Variants in NDUFAF2 observed in about 807,000 individuals in gnomAD.
NDUFAF2 encodes NADH dehydrogenase [ubiquinone] 1 alpha subcomplex assembly factor 2.
In NDUFAF2, 13 loss-of-function variants were observed where a neutral mutation model predicts 22.8. The observed-to-expected ratio is 0.57, with a 90% CI of 0.37 to 0.91. The LOEUF (loss-of-function observed/expected upper bound fraction) is 0.91. NDUFAF2 is among the 40% of genes least tolerant of loss of function. NDUFAF2 has a pLI of 0.01. For synonymous variants in NDUFAF2, 53 were observed against 64.2 expected (o/e 0.83, Z 0.84); for missense variants, 162 against 195.2 (o/e 0.83, Z 1.01).
rs142563369 is a variant in NDUFAF2, at chr5:61,084,253, T to C, written c.217+11039T>C. Among the ~76,000 whole-genome samples the C allele has an allele frequency of 9.9e-5, 15 of 151,790 alleles. 1 individual carries two copies. Among genetic ancestry groups the C allele is most frequent in the Admixed American group, 9.2e-4 (14 of 15,208 alleles). ...ATTATTTTTTTTCATTCTGTTAATA[T>C]GATTTATTACATTGATTGATTTTAT... On this transcript the variant is annotated intron_variant, in intron 2 of 3. Transcript: ENST00000296597.
At chr5:61,007,123 A>T (rs1025294128) in intron 1 of NDUFAF2, among the ~76,000 whole-genome samples, 19 of 152,020 alleles carry the variant, frequency 1.2e-4, no homozygotes, top group African/African-American at 3.6e-4. Context: ...TAGTTTAATT[A>T]GATCCCATTT....
intron 1 of NDUFAF2, among the ~76,000 whole-genome samples, chr5:60,948,087 A>G (rs1442948089): frequency 6.6e-6 from 1 of 152,228 alleles, no homozygotes; most frequent in Non-Finnish European, 1.5e-5. Flanking sequence ...GAAAATTAAC[A>G]TATTCAATAT....
intron 1 of NDUFAF2, among the ~76,000 whole-genome samples, chr5:60,975,158 G>C (rs942667737): frequency 2.0e-5 from 3 of 152,014 alleles, no homozygotes. Flanking sequence ...ATTATGTTGA[G>C]GGCATGAGTT....
chr5:60,988,338 T>A (rs2112583637), intron 1 of NDUFAF2, among the ~76,000 whole-genome samples: 1 of 152,200 alleles, frequency 6.6e-6, no homozygotes, highest in African/African-American at 2.4e-5. Context: ...CAATATTTTT[T>A]AAAATGGCCA....
At chr5:61,128,913 T>G (rs968499089) in intron 3 of NDUFAF2, among the ~76,000 whole-genome samples, 4 of 152,142 alleles carry the variant, frequency 2.6e-5, no homozygotes, top group African/African-American at 9.7e-5. Flanking sequence ...GACAAAGGGC[T>G]AGTATCCAGA....
chr5:61,014,072 T>G (rs892822304), intron 1 of NDUFAF2, among the ~76,000 whole-genome samples: 3 of 152,228 alleles, frequency 2.0e-5, no homozygotes, highest in African/African-American at 7.2e-5. Context: ...TGGTGGCAAG[T>G]GTCCCCTAGA....
At chr5:61,027,303 T>TC (rs1751663132) in intron 1 of NDUFAF2, among the ~76,000 whole-genome samples, 1 of 151,644 alleles carries the variant, frequency 6.6e-6, no homozygotes, top group African/African-American at 2.4e-5. Context: ...GTGGACTTTT[T>TC]TTTTTTTTTT....
intron 1 of NDUFAF2, among the ~76,000 whole-genome samples, chr5:61,040,270 A>ACG (rs1482051801): frequency 5.1e-4 from 61 of 119,288 alleles, no homozygotes; most frequent in African/African-American, 2.3e-3. Flanking sequence ...ACACACACAC[A>ACG]CACACACACA....
At chr5:61,128,567 A>C (rs929962645) in intron 3 of NDUFAF2, among the ~76,000 whole-genome samples, 9 of 152,352 alleles carry the variant, frequency 5.9e-5, no homozygotes, top group African/African-American at 1.9e-4. Flanking sequence ...CCTATTTAAC[A>C]AATGGTGCTG....
At chr5:61,128,380 G>A (rs551012277) in intron 3 of NDUFAF2, among the ~76,000 whole-genome samples, 12 of 152,160 alleles carry the variant, frequency 7.9e-5, no homozygotes, top group South Asian at 2.1e-4. Flanking sequence ...GAGGCATCAC[G>A]CTACCTGACT....
At chr5:61,080,044 G>A (rs1459986082) in intron 2 of NDUFAF2, among the ~76,000 whole-genome samples, 1 of 152,080 alleles carries the variant, frequency 6.6e-6, no homozygotes, top group Non-Finnish European at 1.5e-5. Flanking sequence ...ATCTTGACTA[G>A]AAGCAAAAGG....
intron 2 of NDUFAF2, among the ~76,000 whole-genome samples, chr5:61,074,936 A>C (rs1752349574): frequency 6.6e-6 from 1 of 152,180 alleles, no homozygotes; most frequent in African/African-American, 2.4e-5. Context: ...GAGAATAATG[A>C]AGGAGGAACT....
chr5:60,953,958 C>G (rs1376995218), intron 1 of NDUFAF2, among the ~76,000 whole-genome samples: 1 of 152,080 alleles, frequency 6.6e-6, no homozygotes, highest in African/African-American at 2.4e-5. Context: ...AAAGGAATTT[C>G]TCCTTTCCAT....
At chr5:61,081,346 T>A (rs761059815) in intron 2 of NDUFAF2, among the ~76,000 whole-genome samples, 1 of 152,182 alleles carries the variant, frequency 6.6e-6, no homozygotes, top group Non-Finnish European at 1.5e-5. Flanking sequence ...TTATTGTACA[T>A]CAGTTATACC....
chr5:60,960,914 G>C (rs912691152), intron 1 of NDUFAF2, among the ~76,000 whole-genome samples: 2 of 151,920 alleles, frequency 1.3e-5, no homozygotes, highest in Non-Finnish European at 1.5e-5. Flanking sequence ...ATTATTTTCT[G>C]TTTTATTTAT....
chr5:61,009,565 C>G (rs983296326), intron 1 of NDUFAF2, among the ~76,000 whole-genome samples: 5 of 152,078 alleles, frequency 3.3e-5, no homozygotes, highest in African/African-American at 4.8e-5. Flanking sequence ...CTTGGACCTA[C>G]CAGTCCTACT....
chr5:61,037,444 T>G (rs1320214415), intron 1 of NDUFAF2, among the ~76,000 whole-genome samples: 1 of 152,176 alleles, frequency 6.6e-6, no homozygotes, highest in African/African-American at 2.4e-5. Context: ...GAGGTCATAC[T>G]TTAGAAGGTC....
chr5:61,102,049 G>A lies in NDUFAF2; in HGVS notation c.258+3017G>A, dbSNP rs531436662. On this transcript the variant is annotated intron_variant, in intron 3 of 3. Transcript: ENST00000296597. ...GCCTGAATATTTGCATTTATAACATGTTGCTGGATGATGCTGATGCTGATG... is the reference window on the plus strand; with the variant it reads ...GCCTGAATATTTGCATTTATAACATATTGCTGGATGATGCTGATGCTGATG... Among the ~76,000 whole-genome samples the A allele has an allele frequency of 4.6e-5, 7 of 152,222 alleles. No individual in the cohort carries two copies. In the East Asian group the frequency reaches 1.4e-3, roughly 29 times the overall value.
At chr5:60,948,068 C>T (rs532424233) in intron 1 of NDUFAF2, among the ~76,000 whole-genome samples, 126 of 152,260 alleles carry the variant, frequency 8.3e-4, no homozygotes, top group Non-Finnish European at 1.5e-3. Context: ...AAACCATCAA[C>T]ACAGTCAAGA....
Sources: gnomAD v4.1 joint callset for allele counts (sites outside exome capture counted in the v4.1 genomes callset) on GRCh38, gnomAD v4.1.1 for gene constraint, MANE v1.5 for transcripts, NCBI Gene and HGNC (gene_info 2026-07-23, HGNC 2026-07-21) for gene names.